Variants in BTBD9 observed in about 807,000 individuals in gnomAD.
BTBD9 encodes BTB/POZ domain-containing protein 9.
In BTBD9, 49 loss-of-function variants were observed where a neutral mutation model predicts 64.3. The ratio of observed to expected loss-of-function variants is 0.76; its 90% CI spans 0.61 to 0.97. The LOEUF (loss-of-function observed/expected upper bound fraction) is 0.97. BTBD9 is among the 50% of genes least tolerant of loss of function. The probability of loss-of-function intolerance (pLI) is 0.00; values close to 1 mark genes in which losing one functional copy is unlikely to be tolerated. For missense variants in BTBD9, 598 were observed against 762.1 expected, an observed-to-expected ratio of 0.78 and a Z score of 2.53; for synonymous variants, 260 against 274.7, an observed-to-expected ratio of 0.95 and a Z score of 0.53.
At chr6:38,220,797 A>G (rs1763173633) in intron 9 of BTBD9, among the ~76,000 whole-genome samples, 1 of 152,262 alleles carries the variant, frequency 6.6e-6, no homozygotes, top group Non-Finnish European at 1.5e-5. Context: ...ACCAAGCACC[A>G]TCGCTGCCTT....
At chr6:38,199,118 C>T (rs900725496) in intron 9 of BTBD9, among the ~76,000 whole-genome samples, 2 of 152,160 alleles carry the variant, frequency 1.3e-5, no homozygotes, top group Admixed American at 1.3e-4. Context: ...TGACAGGAGA[C>T]ACACATTTCC....
At chr6:38,529,761 G>A (rs149564814) in intron 6 of BTBD9, among the ~76,000 whole-genome samples, 2,213 of 152,182 alleles carry the variant, frequency 0.015, 45 homozygotes, top group African/African-American at 0.05. Flanking sequence ...GAGGATGTAC[G>A]TCACCTCAGG....
At position 38,544,927 on chromosome 6, in the gene BTBD9, C is replaced by CAAAAAAAAAAAAAAAAAAA. The variant is rs58694810; in HGVS notation, c.1154+32654_1154+32672dup. On this transcript the variant is annotated intron_variant, in intron 6 of 10. Coordinates refer to ENST00000481247, the MANE Select transcript of BTBD9 (RefSeq NM_001099272.2). ...GGGAAACAAGAACAAAACTACATCT[C>CAAAAAAAAAAAAAAAAAAA]AAAAAAAAAAAAAAAAAAAAAAAAA... Among the ~76,000 whole-genome samples, 3 of 48,284 alleles carry CAAAAAAAAAAAAAAAAAAA rather than the reference C, an allele frequency of 6.2e-5. 1 individual carries two copies. Among genetic ancestry groups the CAAAAAAAAAAAAAAAAAAA allele is most frequent in the Non-Finnish European group, 1.1e-4 (3 of 26,678 alleles). 31.7% of individuals were successfully genotyped at this position (48,284 alleles called of 152,430 possible).
chr6:38,298,603 CT>C (rs763985920), intron 7 of BTBD9, among the ~76,000 whole-genome samples: 2 of 152,114 alleles, frequency 1.3e-5, no homozygotes, highest in Non-Finnish European at 2.9e-5. Flanking sequence ...CTGATTCCTT[CT>C]ATCTAACTGT....
At chr6:38,280,613 T>G (rs1222296184) in intron 8 of BTBD9, among the ~76,000 whole-genome samples, 2 of 152,230 alleles carry the variant, frequency 1.3e-5, no homozygotes, top group African/African-American at 4.8e-5. Flanking sequence ...TGTCTTAATG[T>G]AAATAGATGT....
At chr6:38,204,636 T>C (rs796348780) in intron 9 of BTBD9, among the ~76,000 whole-genome samples, 4 of 152,290 alleles carry the variant, frequency 2.6e-5, no homozygotes, top group African/African-American at 9.6e-5. Flanking sequence ...TGGTGATGGA[T>C]GCAAACTCTG....
intron 7 of BTBD9, among the ~76,000 whole-genome samples, chr6:38,311,091 G>A (rs930569382): frequency 1.3e-5 from 2 of 152,188 alleles, no homozygotes; most frequent in East Asian, 1.9e-4. Context: ...GATTACAGGC[G>A]TGGGCCACTG....
intron 9 of BTBD9, among the ~76,000 whole-genome samples, chr6:38,229,362 T>C (rs1230874518): frequency 6.6e-6 from 1 of 152,210 alleles, no homozygotes; most frequent in Non-Finnish European, 1.5e-5. Flanking sequence ...GTTAACAGAA[T>C]GTAGGTTCTC....
intron 8 of BTBD9, among the ~76,000 whole-genome samples, chr6:38,264,475 A>G (rs867926695): frequency 2.2e-4 from 33 of 152,236 alleles, no homozygotes; most frequent in South Asian, 8.3e-4. Context: ...GGAAAAGTCC[A>G]GTTCCTGCTC....
At chr6:38,562,625 G>A (rs770963486) in intron 6 of BTBD9, among the ~76,000 whole-genome samples, 7 of 151,974 alleles carry the variant, frequency 4.6e-5, no homozygotes, top group Non-Finnish European at 7.4e-5. Flanking sequence ...ATATACATAC[G>A]TAAGGTTGTT....
intron 6 of BTBD9, among the ~76,000 whole-genome samples, chr6:38,399,479 G>A (rs1766831492): frequency 6.6e-6 from 1 of 152,168 alleles, no homozygotes; most frequent in Admixed American, 6.5e-5. Flanking sequence ...TCAATAAAAT[G>A]TCATTAAAAT....
intron 1 of BTBD9, among the ~76,000 whole-genome samples, chr6:38,630,539 T>C (rs1778327739): frequency 1.3e-5 from 2 of 152,170 alleles, no homozygotes; most frequent in Admixed American, 1.3e-4. Context: ...ATAAAACAAA[T>C]GTGGTAAAAT....
At chr6:38,319,983 G>C (rs1230297737) in intron 7 of BTBD9, among the ~76,000 whole-genome samples, 1 of 152,128 alleles carries the variant, frequency 6.6e-6, no homozygotes, top group South Asian at 2.1e-4. Flanking sequence ...TGGGATGGGG[G>C]ATCTCCCTCT....
chr6:38,248,079 T>C (rs2127529509), intron 9 of BTBD9, among the ~76,000 whole-genome samples: 1 of 152,352 alleles, frequency 6.6e-6, no homozygotes, highest in East Asian at 1.9e-4. Context: ...TATTTCCTTT[T>C]GGCTTTCTTC....
chr6:38,315,679 G>C (rs1763004987), intron 7 of BTBD9, among the ~76,000 whole-genome samples: 1 of 152,108 alleles, frequency 6.6e-6, no homozygotes, highest in South Asian at 2.1e-4. Flanking sequence ...GAAGATATCT[G>C]ATATTATTTC....
chr6:38,573,069 G>A (rs1313883602), intron 6 of BTBD9, among the ~76,000 whole-genome samples: 1 of 151,880 alleles, frequency 6.6e-6, no homozygotes, highest in African/African-American at 2.4e-5. Context: ...AGAAAAATAT[G>A]CAGAAGACAA....
intron 6 of BTBD9, among the ~76,000 whole-genome samples, chr6:38,535,743 C>T (rs1468313998): frequency 6.6e-6 from 1 of 152,018 alleles, no homozygotes; most frequent in Admixed American, 6.6e-5. Flanking sequence ...AGGTGCCAAA[C>T]ACATACACTG....
rs200772812 is a variant in BTBD9 at position 38,233,157 on chromosome 6, CT to C, written c.1562+23251del. On this transcript the variant is annotated intron_variant, in intron 9 of 10. Coordinates refer to ENST00000481247, the MANE Select transcript of BTBD9 (RefSeq NM_001099272.2). ...CTAGTGATAACCTTTATCTAATTCA[CT>C]ATAAGATGGACAAAATCTGTGTTGT... is the stretch of plus-strand genomic sequence containing the variant. Among the ~76,000 whole-genome samples the C allele has an allele frequency of 7.4e-3, 1,134 of 152,218 alleles. 15 individuals are homozygous for C. The highest frequency in any genetic ancestry group is 0.023 in the African/African-American group (971 of 41,524).
chr6:38,465,182 C>A (rs1024142677), intron 6 of BTBD9, among the ~76,000 whole-genome samples: 1 of 151,928 alleles, frequency 6.6e-6, no homozygotes, highest in African/African-American at 2.4e-5. Flanking sequence ...GTAGTCCCAG[C>A]TACTTGGAAG....
Sources: allele counts gnomAD v4.1 joint callset (sites outside exome capture counted in the v4.1 genomes callset), GRCh38; gene constraint gnomAD v4.1.1; transcripts MANE v1.5; gene names NCBI Gene and HGNC (gene_info 2026-07-23, HGNC 2026-07-21).